GRID2: variants seen among roughly 807,000 people sequenced by gnomAD.
The protein encoded by GRID2 is glutamate ionotropic receptor delta type subunit 2, also known as glutamate receptor ionotropic, delta-2.
Under a neutral mutation model 114.8 loss-of-function variants are expected in GRID2, and 33 were observed. That is an observed-to-expected ratio of 0.29 (90% confidence interval 0.22 to 0.38). The LOEUF (loss-of-function observed/expected upper bound fraction) is 0.38, where lower values mean the gene tolerates loss of function less well. Ranked by LOEUF, GRID2 falls within the 10% of genes least tolerant of loss-of-function variation. GRID2 has a pLI of 1.00. For missense variants in GRID2, 1,184 were observed against 1,257.7 expected (o/e 0.94, Z 0.89); for synonymous variants, 505 against 449.9 (o/e 1.12, Z -1.55).
At chr4:92,922,346 C>G (rs1749430083) in intron 2 of GRID2, among the ~76,000 whole-genome samples, 1 of 152,106 alleles carries the variant, frequency 6.6e-6, no homozygotes, top group Non-Finnish European at 1.5e-5. Flanking sequence ...GCACTGCACC[C>G]TCTGTCCTGC....
At chr4:92,941,855 C>T (rs1468147656) in intron 2 of GRID2, among the ~76,000 whole-genome samples, 2 of 152,162 alleles carry the variant, frequency 1.3e-5, no homozygotes, top group African/African-American at 2.4e-5. Context: ...GCAGGTTGCT[C>T]AATTTCCATG....
chr4:93,491,460 G>A (rs1397786732), intron 12 of GRID2, among the ~76,000 whole-genome samples: 1 of 151,678 alleles, frequency 6.6e-6, no homozygotes, highest in African/African-American at 2.4e-5. Flanking sequence ...GGAGCCCAAG[G>A]GCCTTTTATC....
chr4:93,792,761 A>G (rs1734718862), intron 1 of GRID2, among the ~76,000 whole-genome samples: 1 of 152,210 alleles, frequency 6.6e-6, no homozygotes, highest in African/African-American at 2.4e-5. Flanking sequence ...GCAATTTTAG[A>G]GTCTATACAA....
intron 2 of GRID2, among the ~76,000 whole-genome samples, chr4:92,865,903 G>C (rs913221826): frequency 1.3e-5 from 2 of 151,988 alleles, no homozygotes; most frequent in African/African-American, 2.4e-5. Flanking sequence ...TACAAACATC[G>C]TTATCATATA....
chr4:92,475,036 G>T (rs1452927591), intron 1 of GRID2, among the ~76,000 whole-genome samples: 1 of 149,022 alleles, frequency 6.7e-6, no homozygotes, highest in East Asian at 2.0e-4. Flanking sequence ...GAGTTAATGG[G>T]TGCAGCACAC....
At chr4:93,226,135 C>T (rs554165930) in intron 7 of GRID2, among the ~76,000 whole-genome samples, 77 of 152,268 alleles carry the variant, frequency 5.1e-4, no homozygotes, top group African/African-American at 1.8e-3. Flanking sequence ...CATCCTTTGA[C>T]CCCCAATATT....
chr4:92,378,018 A>G (rs988529613), intron 1 of GRID2, among the ~76,000 whole-genome samples: 8 of 152,054 alleles, frequency 5.3e-5, no homozygotes, highest in African/African-American at 1.9e-4. Context: ...TTAGATATCT[A>G]AAGTACAGCA....
chr4:93,057,547 A>G (rs1727376301), intron 2 of GRID2, among the ~76,000 whole-genome samples: 1 of 151,876 alleles, frequency 6.6e-6, no homozygotes, highest in Admixed American at 6.6e-5. Flanking sequence ...GGAAAAATAA[A>G]AAAGACATAA....
At chr4:93,454,872 T>C (rs991549764) in intron 10 of GRID2, among the ~76,000 whole-genome samples, 2 of 152,258 alleles carry the variant, frequency 1.3e-5, no homozygotes, top group South Asian at 2.1e-4. Flanking sequence ...ACACATCTTT[T>C]AGATATTTAA....
intron 2 of GRID2, among the ~76,000 whole-genome samples, chr4:92,858,822 G>C (rs969950771): frequency 4.6e-5 from 7 of 152,162 alleles, no homozygotes; most frequent in Admixed American, 1.3e-4. Context: ...CTCCCAAAGT[G>C]CTGGGATTAC....
At chr4:93,697,880 T>TATATATATATATA (rs1208336606) in intron 14 of GRID2, among the ~76,000 whole-genome samples, 4 of 147,828 alleles carry the variant, frequency 2.7e-5, no homozygotes, top group African/African-American at 7.5e-5. Flanking sequence ...TATATATATA[T>TATATATATATATA]TTCAAAACAA....
At chr4:92,758,045 G>A (rs986392922) in intron 2 of GRID2, among the ~76,000 whole-genome samples, 5 of 151,998 alleles carry the variant, frequency 3.3e-5, no homozygotes, top group African/African-American at 1.2e-4. Flanking sequence ...TTCTGTGAAA[G>A]GAAGCAGAGA....
intron 2 of GRID2, among the ~76,000 whole-genome samples, chr4:92,786,899 T>G (rs1402828328): frequency 1.3e-5 from 2 of 151,914 alleles, no homozygotes; most frequent in Non-Finnish European, 2.9e-5. Flanking sequence ...AATTAAAAGA[T>G]TACAAATGCA....
chr4:92,893,116 A>G (rs1052455985), intron 2 of GRID2, among the ~76,000 whole-genome samples: 9 of 152,192 alleles, frequency 5.9e-5, no homozygotes, highest in Non-Finnish European at 1.0e-4. Context: ...TCAAGGTAAC[A>G]TAAAGCTACA....
chr4:92,605,717 A>G (rs755224245), intron 2 of GRID2, among the ~76,000 whole-genome samples: 2 of 152,084 alleles, frequency 1.3e-5, no homozygotes, highest in Non-Finnish European at 1.5e-5. Flanking sequence ...TTGAGGAACT[A>G]TATGTTCTTG....
At chr4:93,095,289 T>C (rs375911080) in intron 3 of GRID2, among the ~76,000 whole-genome samples, 5 of 152,050 alleles carry the variant, frequency 3.3e-5, no homozygotes, top group African/African-American at 1.2e-4. Context: ...CTCCACGCCC[T>C]GACAGGCCCC....
At chr4:93,723,848 T>C (rs1376787398) in intron 14 of GRID2, among the ~76,000 whole-genome samples, 4 of 152,208 alleles carry the variant, frequency 2.6e-5, no homozygotes. Flanking sequence ...TCGATTTTTA[T>C]TCTATTATTT....
chr4:92,623,933 A>T (rs1464294311), intron 2 of GRID2, among the ~76,000 whole-genome samples: 1 of 151,834 alleles, frequency 6.6e-6, no homozygotes, highest in Non-Finnish European at 1.5e-5. Flanking sequence ...CCTAACACAC[A>T]TATACACACA....
chr4:92,481,786 C>A (rs1722601518), intron 1 of GRID2, among the ~76,000 whole-genome samples: 1 of 151,170 alleles, frequency 6.6e-6, no homozygotes, highest in Non-Finnish European at 1.5e-5. Context: ...CTGTAAATTG[C>A]CTTGGGAAGC....
Sources: allele counts gnomAD v4.1 joint callset (sites outside exome capture counted in the v4.1 genomes callset), GRCh38; gene constraint gnomAD v4.1.1; transcripts MANE v1.5; gene names NCBI Gene and HGNC (gene_info 2026-07-23, HGNC 2026-07-21).